The following LMF1 variants were observed in gnomAD, a reference collection of about 807,000 sequenced individuals.
The protein encoded by LMF1 is lipase maturation factor 1, also known as transmembrane protein 112.
A neutral mutation model predicts 60.6 loss-of-function variants in LMF1; 68 were observed. The ratio of observed to expected loss-of-function variants is 1.12; its 90% CI spans 0.92 to 1.37. LMF1 has a LOEUF of 1.37. Ranked by LOEUF, LMF1 falls within the 40% of genes most tolerant of loss-of-function variation. The pLI is 0.00. For synonymous variants in LMF1, 418 were observed against 324.7 expected (o/e 1.29, Z -3.09); for missense variants, 948 against 767.2 (o/e 1.24, Z -2.78).
chr16:969,736 G>A (rs988071438), intron 1 of LMF1, among the ~76,000 whole-genome samples: 1 of 152,212 alleles, frequency 6.6e-6, no homozygotes, highest in Non-Finnish European at 1.5e-5. Context: ...GCTGCATCTC[G>A]GCCTGGCAGG....
intron 10 of LMF1, among the ~76,000 whole-genome samples, chr16:863,195 T>A (rs1596843847): frequency 2.0e-5 from 3 of 152,232 alleles, no homozygotes. Flanking sequence ...AGACAGAATC[T>A]TGTGGTGTCG....
In LMF1 at chr16:878,502, A is replaced by G. The variant is rs1480132946; in HGVS notation, c.897+1068T>C. Among the ~76,000 whole-genome samples, 3 of 152,202 alleles carry G rather than the reference A, an allele frequency of 2.0e-5. No homozygotes were observed. Among genetic ancestry groups the G allele is most frequent in the Non-Finnish European group, 4.4e-5 (3 of 68,026 alleles). ...ACGATACAGTAGCGCCCTTGAAAAT[A>G]CATCCACAGGATGACGAGATTGCAC... On this transcript the variant is annotated intron_variant, in intron 6 of 10. Transcript: ENST00000262301. The surrounding 1 kb of genome is among the most constrained non-coding windows in gnomAD (Gnocchi z 5.2).
At chr16:979,981 G>A (rs889828061) in intron 1 of LMF1, 3 of 346,558 alleles carry the variant, frequency 8.7e-6, no homozygotes, top group South Asian at 2.2e-5. Context: ...ACGGAGGTGT[G>A]GGTCTTCCCA....
chr16:923,083 T>C (rs2071488192), intron 3 of LMF1, among the ~76,000 whole-genome samples: 1 of 142,218 alleles, frequency 7.0e-6, no homozygotes, highest in African/African-American at 2.5e-5. Flanking sequence ...TGTCGTGTTG[T>C]TGCGAAGGCC....
At chr16:958,897 A>ATAC (rs2072764532) in intron 1 of LMF1, among the ~76,000 whole-genome samples, 1 of 147,492 alleles carries the variant, frequency 6.8e-6, no homozygotes, top group African/African-American at 2.6e-5. Flanking sequence ...AAAAAAAACC[A>ATAC]AAAAAACAAA....
At chr16:871,053 G>T in intron 7 of LMF1, 108 bp downstream of exon 7, 1 of 1,405,590 alleles carries the variant, frequency 7.1e-7, no homozygotes, top group Non-Finnish European at 9.5e-7. Flanking sequence ...GGACGGCGCT[G>T]ACTCTCCTCC....
At chr16:946,736 C>G (rs2072246857) in intron 2 of LMF1, among the ~76,000 whole-genome samples, 1 of 152,220 alleles carries the variant, frequency 6.6e-6, no homozygotes, top group Non-Finnish European at 1.5e-5. Context: ...CCTACATGGC[C>G]CATGCCCTGC....
chr16:870,676 G>A lies in LMF1; in HGVS notation c.1232+53C>T, dbSNP rs551503228. The A allele has an allele frequency of 1.9e-6, 3 of 1,598,570 alleles. No individual in the cohort carries two copies. In the African/African-American group the frequency reaches 4.0e-5, roughly 21 times the overall value. On this transcript the variant is annotated intron_variant, in intron 8 of 10. Coordinates refer to ENST00000262301, the MANE Select transcript of LMF1 (RefSeq NM_022773.4). The stretch of plus-strand genomic sequence containing the variant: ...CCCCACCTGAATGTGGCTGGTCAGG[G>A]CTGAGTCTCCCCATATACCCAGCTC...
intron 5 of LMF1, among the ~76,000 whole-genome samples, chr16:886,393 G>A (rs889206498): frequency 6.6e-6 from 1 of 152,250 alleles, no homozygotes; most frequent in South Asian, 2.1e-4. Flanking sequence ...CCCACGGAAG[G>A]TCGGTGTCTC....
chr16:886,204 G>T lies in LMF1; in HGVS notation c.730-6467C>A, dbSNP rs543815887. On this transcript the variant is annotated intron_variant, in intron 5 of 10. Transcript: ENST00000262301. ...AGGATCACACAAGCCAGTAAGGGGC[G>T]CATGGAGGATGGGCAGCACAGGGCT... 1.3e-4 allele frequency among the ~76,000 whole-genome samples: 20 copies of T among 152,300 alleles called. No homozygotes were observed. In the South Asian group the frequency reaches 3.5e-3, roughly 27 times the overall value.
chr16:976,504 T>C (rs1221431401), intron 1 of LMF1: 2 of 454,070 alleles, frequency 4.4e-6, no homozygotes. Flanking sequence ...GGTGACGCTC[T>C]CTGGGAGGTC....
At chr16:855,271 C>T (rs927366818) in intron 10 of LMF1, 23 of 245,180 alleles carry the variant, frequency 9.4e-5, no homozygotes, top group South Asian at 9.8e-5. Context: ...CTGCCTGAGA[C>T]GTGCAGATGC....
intron 6 of LMF1, among the ~76,000 whole-genome samples, chr16:877,073 T>C (rs1228306239): frequency 6.6e-6 from 1 of 151,996 alleles, no homozygotes; most frequent in Non-Finnish European, 1.5e-5. Context: ...GGCGCACACC[T>C]GCAGTCACGG....
Position 949,536 on chromosome 16 carries a change from T to TCAGCCAACGACAGAGA in LMF1, c.503+4820_503+4821insTCTCTGTCGTTGGCTG, listed in dbSNP as rs1389225284. 1.8e-5 allele frequency among the ~76,000 whole-genome samples: 2 copies of TCAGCCAACGACAGAGA among 110,946 alleles called. 1 individual carries two copies. 72.8% of individuals were successfully genotyped at this position (110,946 alleles called of 152,430 possible). ...ATGACAGAGTCAGCCAACGACAGAG[T>TCAGCCAACGACAGAGA]CAGAGCCAACGACAGAGTCAGAGAC... is the stretch of plus-strand genomic sequence containing the variant. On this transcript the variant is annotated intron_variant, in intron 2 of 10. Transcript: ENST00000262301.
At chr16:912,700 C>G (rs972882232) in intron 3 of LMF1, among the ~76,000 whole-genome samples, 2 of 152,216 alleles carry the variant, frequency 1.3e-5, no homozygotes, top group Admixed American at 6.5e-5. Context: ...ATCTTCCCCA[C>G]GGAAGCCAGA....
intron 1 of LMF1, chr16:976,751 C>A: frequency 2.2e-6 from 1 of 454,138 alleles, no homozygotes; most frequent in Non-Finnish European, 4.4e-6. Context: ...CAGCTGTTCC[C>A]GACACATCCG....
chr16:977,023 G>A (rs544649993), intron 1 of LMF1: 30 of 453,936 alleles, frequency 6.6e-5, no homozygotes, highest in East Asian at 5.6e-4. Flanking sequence ...CCAGGAGGAC[G>A]TCTGGGCTGC....
chr16:946,104 T>C (rs1193388455), intron 2 of LMF1, among the ~76,000 whole-genome samples: 1 of 152,160 alleles, frequency 6.6e-6, no homozygotes, highest in Non-Finnish European at 1.5e-5. Context: ...AAGAAGTCAA[T>C]GCAGAGTCTC....
At position 954,355 on chromosome 16, in the gene LMF1, A is replaced by G. The variant is rs1221084370; in HGVS notation, c.503+2T>C. The G allele has an allele frequency of 6.2e-7, 1 of 1,611,048 alleles. No individual in the cohort carries two copies. The highest frequency in any genetic ancestry group is 1.1e-5 in the South Asian group (1 of 90,542). On this transcript the variant is annotated splice_donor_variant, in intron 2 of 10. Coordinates refer to ENST00000262301, the MANE Select transcript of LMF1 (RefSeq NM_022773.4). LOFTEE classifies it high-confidence loss of function. ...TCCGACCGCCCCATTCCTGCTACTCACCAGACATGGCCCACATTAACCAGG... is the reference window on the plus strand; with the variant it reads ...TCCGACCGCCCCATTCCTGCTACTCGCCAGACATGGCCCACATTAACCAGG...
Sources: allele counts gnomAD v4.1 joint callset (sites outside exome capture counted in the v4.1 genomes callset), GRCh38; gene constraint gnomAD v4.1.1; non-coding constraint Gnocchi (gnomAD v3.1); transcripts MANE v1.5; gene names NCBI Gene and HGNC (gene_info 2026-07-23, HGNC 2026-07-21).